The following TENM2 variants were observed in gnomAD, a reference collection of about 807,000 sequenced individuals.
TENM2 encodes the protein teneurin transmembrane protein 2.
In TENM2, 52 loss-of-function variants were observed where a neutral mutation model predicts 245.2. That is an observed-to-expected ratio of 0.21 (90% CI 0.17 to 0.27). TENM2 has a LOEUF of 0.27. Among genes scored for constraint, TENM2 ranks in the 10% least tolerant of loss-of-function variants. The pLI is 1.00. For missense variants in TENM2, 3,046 were observed against 3,666.8 expected (o/e 0.83, Z 4.37); for synonymous variants, 1,363 against 1,438.9 (o/e 0.95, Z 1.19).
At chr5:167,436,296 A>T (rs949221360) in intron 2 of TENM2, among the ~76,000 whole-genome samples, 11 of 152,010 alleles carry the variant, frequency 7.2e-5, no homozygotes, top group Admixed American at 2.6e-4. Flanking sequence ...CACGTTGGCC[A>T]GGCTGGTCTC....
At chr5:168,145,104 C>T (rs79484508) in intron 12 of TENM2, among the ~76,000 whole-genome samples, 3,928 of 147,656 alleles carry the variant, frequency 0.027, 67 homozygotes, top group Non-Finnish European at 0.038. Context: ...GAGTAGGTTG[C>T]GAAAATTTTC....
At chr5:167,360,885 C>G (rs1045321821) in intron 1 of TENM2, among the ~76,000 whole-genome samples, 6 of 152,178 alleles carry the variant, frequency 3.9e-5, no homozygotes, top group African/African-American at 1.4e-4. Context: ...CTCTGGGCTA[C>G]TCGCTTCTAC....
chr5:167,893,076 A>G (rs1341617481), intron 3 of TENM2, among the ~76,000 whole-genome samples: 1 of 152,206 alleles, frequency 6.6e-6, no homozygotes, highest in Non-Finnish European at 1.5e-5. Context: ...CCTTTTGGCT[A>G]GGTTTCTTCT....
intron 2 of TENM2, among the ~76,000 whole-genome samples, chr5:167,831,999 A>C (rs1267683976): frequency 6.6e-6 from 1 of 151,154 alleles, no homozygotes; most frequent in Admixed American, 6.7e-5. Context: ...AAAAAAAAAT[A>C]TTTAGCATCC....
intron 16 of TENM2, 71 bp from the exon 19 acceptor site, chr5:168,199,793 C>A: frequency 1.3e-6 from 2 of 1,503,122 alleles, no homozygotes; most frequent in South Asian, 2.5e-5. Flanking sequence ...AGCAGACAGA[C>A]AGTATCGGGG....
chr5:167,059,891 G>T, the TENM2 span, among the ~76,000 whole-genome samples: 1 of 151,758 alleles, frequency 6.6e-6, no homozygotes, highest in East Asian at 1.9e-4. Context: ...GTTAGTAGAG[G>T]TGGGGTTTCA....
At chr5:167,978,608 A>C (rs111864897) in intron 4 of TENM2, among the ~76,000 whole-genome samples, 12 of 152,106 alleles carry the variant, frequency 7.9e-5, no homozygotes, top group African/African-American at 2.7e-4. Context: ...AGTGGTTGCC[A>C]GGAGCTGGGA....
At chr5:167,101,503 G>A in the TENM2 span, among the ~76,000 whole-genome samples, 3 of 152,044 alleles carry the variant, frequency 2.0e-5, no homozygotes, top group African/African-American at 7.2e-5. Flanking sequence ...CAGTGTGACT[G>A]TGCTACTCCA....
At chr5:168,028,883 G>A (rs1342620404) in intron 5 of TENM2, among the ~76,000 whole-genome samples, 1 of 151,932 alleles carries the variant, frequency 6.6e-6, no homozygotes, top group East Asian at 1.9e-4. Context: ...GTGAAACTGG[G>A]AAAGTGGAGC....
chr5:167,159,612 A>T, the TENM2 span, among the ~76,000 whole-genome samples: 1 of 152,216 alleles, frequency 6.6e-6, no homozygotes, highest in Non-Finnish European at 1.5e-5. Flanking sequence ...TCAGTTAAAA[A>T]TTTTTATTTT....
At chr5:167,002,189 T>C in the TENM2 span, among the ~76,000 whole-genome samples, 1 of 152,178 alleles carries the variant, frequency 6.6e-6, no homozygotes, top group Non-Finnish European at 1.5e-5. Flanking sequence ...TTTTGTTTCA[T>C]CTTCTAAAGG....
intron 2 of TENM2, among the ~76,000 whole-genome samples, chr5:167,759,815 T>C (rs1762543664): frequency 6.6e-6 from 1 of 152,164 alleles, no homozygotes; most frequent in South Asian, 2.1e-4. Context: ...CAACAATAAT[T>C]ATGCAAGAGC....
At chr5:167,853,289 C>CAAGAAAAA (rs1770760616) in intron 2 of TENM2, among the ~76,000 whole-genome samples, 1 of 24,622 alleles carries the variant, frequency 4.1e-5, no homozygotes. Flanking sequence ...GACTCCGTCT[C>CAAGAAAAA]AAAAAAAAAA....
At chr5:167,383,146 G>A (rs908340664) in intron 2 of TENM2, among the ~76,000 whole-genome samples, 3 of 152,012 alleles carry the variant, frequency 2.0e-5, no homozygotes, top group African/African-American at 7.3e-5. Flanking sequence ...AAGGTGCTTT[G>A]TTGGGAAGAG....
chr5:167,672,568 G>T (rs1340166361), intron 2 of TENM2, among the ~76,000 whole-genome samples: 2 of 152,102 alleles, frequency 1.3e-5, no homozygotes, highest in African/African-American at 2.4e-5. Flanking sequence ...GCTTTCAGTA[G>T]AAGCTTAGAA....
intron 3 of TENM2, among the ~76,000 whole-genome samples, chr5:167,877,338 T>C (rs1375351301): frequency 1.3e-5 from 2 of 152,234 alleles, no homozygotes; most frequent in African/African-American, 4.8e-5. Context: ...CTACTTAGGA[T>C]GGCCCATGCC....
the TENM2 span, among the ~76,000 whole-genome samples, chr5:167,197,566 C>T: frequency 1.3e-5 from 2 of 151,984 alleles, no homozygotes; most frequent in Admixed American, 1.3e-4. Context: ...TTGTAAACTG[C>T]ATTTGCCCTG....
intron 3 of TENM2, among the ~76,000 whole-genome samples, chr5:167,928,123 C>T (rs1183949856): frequency 1.3e-5 from 2 of 152,156 alleles, no homozygotes; most frequent in African/African-American, 4.8e-5. Flanking sequence ...TCCTTCTTCT[C>T]TGGGGTATGG....
chr5:168,159,676 A>G (rs564313339), intron 12 of TENM2, among the ~76,000 whole-genome samples: 111 of 152,204 alleles, frequency 7.3e-4, no homozygotes, highest in Non-Finnish European at 1.3e-3. Flanking sequence ...TCTTCAAGCT[A>G]AAAGCAAAGT....
Sources: gnomAD v4.1 joint callset for allele counts (sites outside exome capture counted in the v4.1 genomes callset) on GRCh38, gnomAD v4.1.1 for gene constraint, MANE v1.5 for transcripts, NCBI Gene and HGNC (gene_info 2026-07-23, HGNC 2026-07-21) for gene names.